The following TARBP1 variants were observed in gnomAD, a reference collection of about 807,000 sequenced individuals.
The protein encoded by TARBP1 is tRNA guanosine 2 -O-methyltransferase TARBP1.
In TARBP1, 144 loss-of-function variants were observed where a neutral mutation model predicts 178.6. That is an observed-to-expected ratio of 0.81 (90% CI 0.70 to 0.93). TARBP1 has a LOEUF of 0.93. TARBP1 is among the 40% of genes least tolerant of loss of function. The pLI, the probability that TARBP1 is intolerant of heterozygous loss-of-function variation, is 0.00. For synonymous variants in TARBP1, 787 were observed against 781.0 expected, an observed-to-expected ratio of 1.01 and a Z score of -0.13; for missense variants, 2,067 against 2,011.7, an observed-to-expected ratio of 1.03 and a Z score of -0.53.
At chr1:234,471,570 AAG>A (rs1669059291) in intron 2 of TARBP1, among the ~76,000 whole-genome samples, 1 of 152,246 alleles carries the variant, frequency 6.6e-6, no homozygotes, top group Non-Finnish European at 1.5e-5. Flanking sequence ...AGATATTACA[AAG>A]AGAAAAAAGA....
intron 1 of TARBP1, among the ~76,000 whole-genome samples, chr1:234,476,740 A>G (rs1669604445): frequency 6.6e-6 from 1 of 152,238 alleles, no homozygotes; most frequent in Non-Finnish European, 1.5e-5. Context: ...TAACTGTGAC[A>G]ATATATTTTA....
chr1:234,403,993 C>G (rs948519680), intron 24 of TARBP1, among the ~76,000 whole-genome samples: 1 of 152,082 alleles, frequency 6.6e-6, no homozygotes, highest in Non-Finnish European at 1.5e-5. Flanking sequence ...CAGCCGGATG[C>G]CTTATTTTGA....
chr1:234,451,982 G>A (rs1031289479), intron 9 of TARBP1, among the ~76,000 whole-genome samples: 8 of 152,164 alleles, frequency 5.3e-5, no homozygotes, highest in Non-Finnish European at 1.0e-4. Context: ...TGGCCAGACT[G>A]CGTTGCCTAA....
chr1:234,429,720 T>A, intron 15 of TARBP1, 43 bp from the exon 16 acceptor site: 1 of 1,487,238 alleles, frequency 6.7e-7, no homozygotes, highest in Non-Finnish European at 9.0e-7. Flanking sequence ...TTCCCCAATT[T>A]GCCTCCACGT....
At chr1:234,439,117 C>T (rs2103170235) in intron 12 of TARBP1, among the ~76,000 whole-genome samples, 1 of 152,144 alleles carries the variant, frequency 6.6e-6, no homozygotes, top group South Asian at 2.1e-4. Flanking sequence ...AAAAGAAATG[C>T]TAAAAGAAGT....
At chr1:234,392,793 C>G (rs1659524175) in intron 28 of TARBP1, 1 of 234,820 alleles carries the variant, frequency 4.3e-6, no homozygotes, top group Non-Finnish European at 8.2e-6. Flanking sequence ...TCACTGCAAG[C>G]TCCGCCTCCC....
chr1:234,460,266 A>G lies in TARBP1; in HGVS notation c.1530T>C (p.Ala510=), dbSNP rs1667715682. The G allele has an allele frequency of 2.5e-6, 4 of 1,612,734 alleles. No homozygotes were observed. In the African/African-American group the frequency reaches 4.0e-5, roughly 16 times the overall value. ...ACATATACAGAGTAAATTACCTGAG[A>G]GCAAGAAGCCCATCTATACCCAGGG... ...HKALGIDGLL[A]LRDVIHCTMI... is the part of the protein sequence containing the mutation. Residue 510 remains alanine (A), a synonymous_variant, in exon 7 of 30, where the codon GCT becomes GCC. Coordinates refer to ENST00000040877, the MANE Select transcript of TARBP1 (RefSeq NM_005646.4).
At chr1:234,473,253 C>A (rs1019682743) in intron 1 of TARBP1, among the ~76,000 whole-genome samples, 1 of 152,168 alleles carries the variant, frequency 6.6e-6, no homozygotes, top group Non-Finnish European at 1.5e-5. Context: ...GCTGCAAAAT[C>A]CCCCGGAACC....
Position 234,478,165 on chromosome 1 carries a change from G to A in TARBP1, c.931+8C>T, listed in dbSNP as rs760821304. ...TAGCACTAGGCTGGGGGGCAAAGAG[G>A]CAGGTACCGTTTCCTTCCTGGGGCC... is the stretch of plus-strand genomic sequence containing the variant. On this transcript the variant is annotated splice_region_variant and intron_variant, in intron 1 of 29. Transcript: ENST00000040877. The A allele has an allele frequency of 6.2e-7, 1 of 1,611,454 alleles. No homozygotes were observed. The highest frequency in any genetic ancestry group is 1.1e-5 in the South Asian group (1 of 90,850).
At chr1:234,404,955 G>A (rs1360431867) in intron 24 of TARBP1, among the ~76,000 whole-genome samples, 1 of 152,230 alleles carries the variant, frequency 6.6e-6, no homozygotes, top group Non-Finnish European at 1.5e-5. Context: ...AAGGTACATT[G>A]CGGGCCAGGG....
intron 22 of TARBP1, among the ~76,000 whole-genome samples, chr1:234,414,841 G>C (rs938547845): frequency 6.6e-6 from 1 of 152,004 alleles, no homozygotes; most frequent in Non-Finnish European, 1.5e-5. Flanking sequence ...AAAATTAGCC[G>C]GGCATGGTGG....
intron 6 of TARBP1, 124 bp from the exon 7 acceptor site, chr1:234,460,520 G>C (rs907192178): frequency 1.8e-5 from 18 of 973,868 alleles, no homozygotes; most frequent in South Asian, 1.7e-5. Flanking sequence ...CACACACTAT[G>C]ATGGCTATAA....
chr1:234,408,433 C>A (rs1456120092), intron 23 of TARBP1, among the ~76,000 whole-genome samples: 2 of 152,122 alleles, frequency 1.3e-5, no homozygotes, highest in Non-Finnish European at 2.9e-5. Flanking sequence ...CAAGACAAAC[C>A]CCCTTCTTGT....
rs766485621 is a variant in TARBP1 at position 234,451,748 on chromosome 1, C to CAAAAAAAAAAAAAA, written c.1723-1196_1723-1183dup. On this transcript the variant is annotated intron_variant, in intron 9 of 29. Coordinates refer to ENST00000040877, the MANE Select transcript of TARBP1 (RefSeq NM_005646.4). ...TGGGCGACAGAGCGAGACTCCGTCT[C>CAAAAAAAAAAAAAA]AAAAAAAAAAAAAAAAAATGATGAA... Among the ~76,000 whole-genome samples, 2 of 6,624 alleles carry CAAAAAAAAAAAAAA rather than the reference C, an allele frequency of 3.0e-4. 1 individual carries two copies. Among genetic ancestry groups the CAAAAAAAAAAAAAA allele is most frequent in the Non-Finnish European group, 4.4e-4 (2 of 4,516 alleles). 4.3% of individuals were successfully genotyped at this position (6,624 alleles called of 152,430 possible).
chr1:234,433,739 A>C (rs1664716443), intron 13 of TARBP1, among the ~76,000 whole-genome samples, 168 bp from the exon 14 acceptor site: 1 of 152,224 alleles, frequency 6.6e-6, no homozygotes, highest in Admixed American at 6.5e-5. Context: ...CGCAGAGCTA[A>C]GGACTTCCTT....
intron 12 of TARBP1, among the ~76,000 whole-genome samples, chr1:234,442,072 C>A (rs1460773085): frequency 1.3e-5 from 2 of 151,332 alleles, no homozygotes; most frequent in African/African-American, 4.9e-5. Flanking sequence ...GCAAAAAAAA[C>A]TAACCTTGAC....
chr1:234,391,583 C>G lies in TARBP1; in HGVS notation c.4860G>C (p.Lys1620Asn). The stretch of plus-strand genomic sequence containing the variant: ...GTTCACTAAGGAAGGCACATCATGG[C>G]TTGGTATCTCCGTGCGAGAGCAGCT... Reference protein sequence around the residue: ...RQQLLSHGDTKP With the variant: ...RQQLLSHGDTNP Residue 1620 changes from lysine to asparagine, a missense_variant, in exon 30 of 30, where the codon AAG (lysine) becomes AAC (asparagine). Lys to Asn is a moderately conservative substitution (Grantham distance 94). Transcript: ENST00000040877. 6.2e-7 allele frequency: 1 copy of G among 1,608,104 alleles called. No homozygotes were observed. The highest frequency in any genetic ancestry group is 8.5e-7 in the Non-Finnish European group (1 of 1,176,626).
chr1:234,468,022 T>C (rs2103290487), intron 3 of TARBP1, among the ~76,000 whole-genome samples: 1 of 152,196 alleles, frequency 6.6e-6, no homozygotes, highest in East Asian at 1.9e-4. Context: ...CAAGTGATCC[T>C]CCATCCTCGG....
chr1:234,463,238 C>T (rs1002609555), intron 6 of TARBP1, among the ~76,000 whole-genome samples: 9 of 152,166 alleles, frequency 5.9e-5, no homozygotes, highest in Admixed American at 5.9e-4. Context: ...ATTCTCCTGC[C>T]TCAGCCTCCC....
Sources: gnomAD v4.1 joint callset for allele counts (sites outside exome capture counted in the v4.1 genomes callset) on GRCh38, gnomAD v4.1.1 for gene constraint, MANE v1.5 for transcripts, NCBI Gene and HGNC (gene_info 2026-07-23, HGNC 2026-07-21) for gene names.